Variants in LRCH1 observed in about 807,000 individuals in gnomAD.
LRCH1 encodes the protein leucine-rich repeat and calponin homology domain-containing protein 1.
In LRCH1, 23 loss-of-function variants were observed where a neutral mutation model predicts 94.9. That is an observed-to-expected ratio of 0.24 (90% confidence interval 0.17 to 0.34). LRCH1 has a LOEUF of 0.34. Ranked by LOEUF, LRCH1 falls within the 10% of genes least tolerant of loss-of-function variation. LRCH1 has a pLI of 1.00. For synonymous variants in LRCH1, 364 were observed against 354.9 expected (o/e 1.03, Z -0.29); for missense variants, 790 against 945.9 (o/e 0.84, Z 2.16).
At chr13:46,690,722 C>A (rs1302861693) in intron 7 of LRCH1, among the ~76,000 whole-genome samples, 10 of 152,138 alleles carry the variant, frequency 6.6e-5, no homozygotes, top group Admixed American at 5.2e-4. Flanking sequence ...TTGGCCTTTC[C>A]TTGTCTTATA....
At chr13:46,731,645 T>C (rs1873113952) in intron 18 of LRCH1, among the ~76,000 whole-genome samples, 1 of 152,234 alleles carries the variant, frequency 6.6e-6, no homozygotes, top group Non-Finnish European at 1.5e-5. Flanking sequence ...CACTTCTACA[T>C]GTCCAATTAT....
At chr13:46,558,234 A>G (rs566692321) in intron 1 of LRCH1, among the ~76,000 whole-genome samples, 1 of 152,334 alleles carries the variant, frequency 6.6e-6, no homozygotes, top group Admixed American at 6.5e-5. Context: ...ACTGAGGCCC[A>G]AGGCAGGTCA....
chr13:46,648,477 A>T (rs1049572148), intron 1 of LRCH1, among the ~76,000 whole-genome samples: 1 of 152,134 alleles, frequency 6.6e-6, no homozygotes, highest in African/African-American at 2.4e-5. Context: ...CTGCTCTATG[A>T]TGTGTTTTTA....
At chr13:46,585,348 C>G (rs565694385) in intron 1 of LRCH1, among the ~76,000 whole-genome samples, 1 of 152,004 alleles carries the variant, frequency 6.6e-6, no homozygotes, top group East Asian at 1.9e-4. Flanking sequence ...GAGGCCGAGG[C>G]AGGCGGATCA....
At chr13:46,613,966 C>G (rs1440394271) in intron 1 of LRCH1, among the ~76,000 whole-genome samples, 2 of 151,878 alleles carry the variant, frequency 1.3e-5, no homozygotes, top group Non-Finnish European at 2.9e-5. Flanking sequence ...CTTGGAGCTG[C>G]CTTCGTTAAT....
intron 11 of LRCH1, among the ~76,000 whole-genome samples, chr13:46,701,836 C>T (rs1385271803): frequency 6.6e-6 from 1 of 152,210 alleles, no homozygotes; most frequent in African/African-American, 2.4e-5. Context: ...GTAATAACTA[C>T]ATGATCTCTA....
At chr13:46,566,435 C>T (rs555045198) in intron 1 of LRCH1, among the ~76,000 whole-genome samples, 1 of 152,082 alleles carries the variant, frequency 6.6e-6, no homozygotes, top group East Asian at 1.9e-4. Flanking sequence ...TATGGTAACT[C>T]GGAAGGGGGA....
At chr13:46,599,261 T>C (rs1259462499) in intron 1 of LRCH1, among the ~76,000 whole-genome samples, 1 of 152,254 alleles carries the variant, frequency 6.6e-6, no homozygotes, top group Non-Finnish European at 1.5e-5. Context: ...ACATTTGGGT[T>C]GCTTCCACAA....
In LRCH1 at chr13:46,742,195, A is replaced by T; in HGVS notation, c.*347A>T. On this transcript the variant is annotated 3_prime_UTR_variant, in exon 20 of 20. Transcript: ENST00000389797. ...GGGCAGAGGGGAGGAGAATTCCAGG[A>T]CAAGAGTGTCAAGGACAGGGATTTA... The T allele has an allele frequency of 8.8e-7, 1 of 1,140,950 alleles. No homozygotes were observed. The highest frequency in any genetic ancestry group is 6.0e-5 in the East Asian group (1 of 16,694). The allele number at this position is 1,140,950 out of a possible 1,614,324, so 70.7% of individuals were successfully genotyped here.
intron 2 of LRCH1, among the ~76,000 whole-genome samples, chr13:46,657,495 CTTTTCTTTTTTTTTTTTTTTTTT>C (rs1458961632): frequency 4.8e-4 from 8 of 16,824 alleles, no homozygotes; most frequent in Admixed American, 9.2e-4. Flanking sequence ...TTTTTCTTTT[CTTTTCTTTTTTTTTTTTTTTTTT>C]TTTTTTTTTT....
At chr13:46,598,603 A>G in intron 1 of LRCH1, among the ~76,000 whole-genome samples, 1 of 151,932 alleles carries the variant, frequency 6.6e-6, no homozygotes. Context: ...ACAAAAAAAA[A>G]AGAACACAAA....
rs556533190 is a variant in LRCH1, at chr13:46,701,114, G to T, written c.1314-7G>T. 1 of 1,586,160 alleles carries T rather than the reference G, an allele frequency of 6.3e-7. No individual in the cohort carries two copies. The highest frequency in any genetic ancestry group is 8.6e-7 in the Non-Finnish European group (1 of 1,156,490). ...TTTTCATTCTTATGCTTGGTTTCACGTTACAGAATAAGTTCATCCAAAGAT... is the reference window on the plus strand; with the variant it reads ...TTTTCATTCTTATGCTTGGTTTCACTTTACAGAATAAGTTCATCCAAAGAT... On this transcript the variant is annotated splice_region_variant and splice_polypyrimidine_tract_variant and intron_variant, in intron 10 of 19. Coordinates refer to ENST00000389797, the MANE Select transcript of LRCH1 (RefSeq NM_001164211.2).
chr13:46,553,458 A>G lies in LRCH1; in HGVS notation c.62A>G (p.His21Arg), dbSNP rs1480442765. Reference protein sequence around the residue: ...FVPALSVATLHPLHHPHHHHH... With the variant: ...FVPALSVATLRPLHHPHHHHH... ...CCGGCCCTTTCGGTAGCTACTCTGCACCCACTTCATCATCCCCACCACCAC... is the reference window on the plus strand; with the variant it reads ...CCGGCCCTTTCGGTAGCTACTCTGCGCCCACTTCATCATCCCCACCACCAC... Residue 21 changes from histidine to arginine, a missense_variant, in exon 1 of 20, where the codon CAC becomes CGC. Physicochemically the swap from His to Arg is conservative, Grantham distance 29 (BLOSUM62 0). Coordinates refer to ENST00000389797, the MANE Select transcript of LRCH1 (RefSeq NM_001164211.2). 9 of 1,548,788 alleles carry G rather than the reference A, an allele frequency of 5.8e-6. No individual in the cohort carries two copies. The highest frequency in any genetic ancestry group is 1.4e-5 in the African/African-American group (1 of 72,640).
chr13:46,627,305 C>T (rs866167131), intron 1 of LRCH1, among the ~76,000 whole-genome samples: 19 of 152,070 alleles, frequency 1.2e-4, no homozygotes, highest in African/African-American at 2.9e-4. Flanking sequence ...CTATATATGC[C>T]GGTATTTGTA....
chr13:46,601,347 C>T (rs2050626505), intron 1 of LRCH1, among the ~76,000 whole-genome samples: 1 of 152,140 alleles, frequency 6.6e-6, no homozygotes, highest in African/African-American at 2.4e-5. Flanking sequence ...GGGTAACTTG[C>T]TTAGAGGGTA....
At chr13:46,691,855 A>G (rs1182956944) in intron 7 of LRCH1, among the ~76,000 whole-genome samples, 1 of 151,658 alleles carries the variant, frequency 6.6e-6, no homozygotes, top group Non-Finnish European at 1.5e-5. Context: ...ACGCCCAGCT[A>G]ATTTTTGTAT....
In LRCH1 at chr13:46,553,237, C is replaced by CCCCCCCCAAAAA; in HGVS notation, c.-155_-154insCCAAAAACCCCC. The stretch of plus-strand genomic sequence containing the variant: ...GCTGCCACGGCCGCCTCCCCGCCCG[C>CCCCCCCCAAAAA]CCCCCATTCTACGCGCCTGCCCACA... On this transcript the variant is annotated 5_prime_UTR_variant, in exon 1 of 20. Transcript: ENST00000389797. The CCCCCCCCAAAAA allele has an allele frequency of 1.8e-6, 1 of 561,114 alleles. No individual in the cohort carries two copies. The highest frequency in any genetic ancestry group is 3.1e-6 in the Non-Finnish European group (1 of 319,102). 34.8% of individuals were successfully genotyped at this position (561,114 alleles called of 1,614,324 possible). A position where few individuals can be genotyped will look rare whatever the true frequency, so the allele number is the denominator to read the frequency against.
At chr13:46,597,107 G>T (rs906372320) in intron 1 of LRCH1, among the ~76,000 whole-genome samples, 1 of 152,278 alleles carries the variant, frequency 6.6e-6, no homozygotes, top group Admixed American at 6.5e-5. Context: ...AAATCCATCC[G>T]TGAGGACTCT....
At chr13:46,715,526 C>A in intron 15 of LRCH1, 34 bp from the exon 16 acceptor site, 1 of 1,276,836 alleles carries the variant, frequency 7.8e-7, no homozygotes, top group Non-Finnish European at 1.1e-6. Flanking sequence ...CCTTGTGCAA[C>A]TGTACGCGGA....
Sources: gnomAD v4.1 joint callset for allele counts (sites outside exome capture counted in the v4.1 genomes callset) on GRCh38, gnomAD v4.1.1 for gene constraint, MANE v1.5 for transcripts, NCBI Gene and HGNC (gene_info 2026-07-23, HGNC 2026-07-21) for gene names.